RALYL: variants seen among roughly 807,000 people sequenced by gnomAD.
RALYL encodes RALY RNA binding protein like, also known as RNA-binding Raly-like protein.
A neutral mutation model predicts 35.1 loss-of-function variants in RALYL; 29 were observed. The ratio of observed to expected loss-of-function variants is 0.83; its 90% CI spans 0.61 to 1.13. RALYL has a LOEUF of 1.13. Among genes scored for constraint, RALYL ranks in the 50% most tolerant of loss-of-function variants. The probability of loss-of-function intolerance (pLI) is 0.00; values close to 1 mark genes in which losing one functional copy is unlikely to be tolerated. For missense variants in RALYL, 359 were observed against 360.4 expected (o/e 1.00, Z 0.03); for synonymous variants, 120 against 127.6 (o/e 0.94, Z 0.40).
intron 2 of RALYL, among the ~76,000 whole-genome samples, chr8:84,699,277 G>C (rs1271377778): frequency 6.6e-6 from 1 of 152,034 alleles, no homozygotes; most frequent in Non-Finnish European, 1.5e-5. Flanking sequence ...CAAAAGTTGT[G>C]AGCTGCTGAG....
chr8:84,709,337 A>G (rs769355984), intron 2 of RALYL, among the ~76,000 whole-genome samples: 5 of 152,118 alleles, frequency 3.3e-5, no homozygotes, highest in Admixed American at 6.6e-5. Context: ...TTGGGTGCCC[A>G]TGGAGTTACT....
chr8:84,661,593 GT>G (rs555604416), intron 2 of RALYL, among the ~76,000 whole-genome samples: 4,581 of 142,526 alleles, frequency 0.032, 175 homozygotes, highest in African/African-American at 0.086. Flanking sequence ...TTTTGACATA[GT>G]TTTTTTTTTT....
intron 4 of RALYL, among the ~76,000 whole-genome samples, chr8:84,807,647 T>G (rs1229771138): frequency 1.3e-5 from 2 of 152,216 alleles, no homozygotes; most frequent in Non-Finnish European, 2.9e-5. Context: ...GTAGAAGTGT[T>G]CCCTATTCAC....
chr8:84,357,472 G>T (rs1038848368), intron 1 of RALYL, among the ~76,000 whole-genome samples: 5 of 151,860 alleles, frequency 3.3e-5, no homozygotes, highest in African/African-American at 9.7e-5. Flanking sequence ...TTCTGTCTAG[G>T]ATAACACTAA....
intron 1 of RALYL, among the ~76,000 whole-genome samples, chr8:84,232,628 G>A (rs1014141071): frequency 3.3e-5 from 5 of 152,074 alleles, no homozygotes; most frequent in South Asian, 2.1e-4. Context: ...CTGAGGTAAT[G>A]CCTATGACTG....
chr8:84,425,783 C>CTATGTGTG lies in RALYL; in HGVS notation c.-23-103515_-23-103514insATGTGTGT, dbSNP rs372367035. Reference sequence around the variant, plus strand: ...AATTTTTAGAAAGCCAGTTTTTCTTCTGTGTGTGTGTGTGTGTGTGTGTGT... The same window carrying CTATGTGTG: ...AATTTTTAGAAAGCCAGTTTTTCTTCTATGTGTGTGTGTGTGTGTGTGTGTGTGTGTGT... On this transcript the variant is annotated intron_variant, in intron 1 of 8. Coordinates refer to ENST00000521268, the MANE Select transcript of RALYL (RefSeq NM_173848.7). 9.9e-3 allele frequency among the ~76,000 whole-genome samples: 1,429 copies of CTATGTGTG among 144,580 alleles called. 33 individuals carry two copies. The highest frequency in any genetic ancestry group is 0.033 in the African/African-American group (1,285 of 38,926). The allele number at this position is 144,580 out of a possible 152,430, so 94.9% of individuals were successfully genotyped here. A position where few individuals can be genotyped will look rare whatever the true frequency, so the allele number is the denominator to read the frequency against.
chr8:84,713,444 T>C (rs2132507795), intron 2 of RALYL, among the ~76,000 whole-genome samples: 1 of 151,952 alleles, frequency 6.6e-6, no homozygotes, highest in Non-Finnish European at 1.5e-5. Context: ...ATACAAATAA[T>C]CAACATACAT....
chr8:84,726,416 G>T (rs1322997730), intron 2 of RALYL, among the ~76,000 whole-genome samples: 1 of 150,092 alleles, frequency 6.7e-6, no homozygotes, highest in Non-Finnish European at 1.5e-5. Context: ...AGGTATTTTT[G>T]TTACTACCTA....
chr8:84,311,535 T>C (rs1842811801), intron 1 of RALYL, among the ~76,000 whole-genome samples: 1 of 152,140 alleles, frequency 6.6e-6, no homozygotes, highest in African/African-American at 2.4e-5. Context: ...CTTGAAGTAA[T>C]GTGCAAAAGC....
intron 4 of RALYL, among the ~76,000 whole-genome samples, chr8:84,808,818 G>C (rs115400106): frequency 0.01 from 1,578 of 152,216 alleles, 23 homozygotes; most frequent in African/African-American, 0.036. Context: ...GTCACTGTTG[G>C]TGTGTAGCAG....
At position 84,771,382 on chromosome 8, in the gene RALYL, G is replaced by A. The variant is rs183635537; in HGVS notation, c.257-3197G>A. Among the ~76,000 whole-genome samples the A allele has an allele frequency of 4.6e-5, 7 of 152,082 alleles. No homozygotes were observed. In the East Asian group the frequency reaches 5.8e-4, roughly 13 times the overall value. On this transcript the variant is annotated intron_variant, in intron 2 of 8. Transcript: ENST00000521268. ...TACAATGAACAAACTTGTATATACC[G>A]TATGGTACACATGTGTAAAAGGTTT... is the stretch of plus-strand genomic sequence containing the variant.
At chr8:84,298,812 G>T (rs1840251440) in intron 1 of RALYL, among the ~76,000 whole-genome samples, 1 of 151,638 alleles carries the variant, frequency 6.6e-6, no homozygotes, top group Non-Finnish European at 1.5e-5. Context: ...GTGTGTGTGT[G>T]AATGGGACTA....
chr8:84,393,848 A>G (rs772260219), intron 1 of RALYL, among the ~76,000 whole-genome samples: 1 of 152,138 alleles, frequency 6.6e-6, no homozygotes, highest in Non-Finnish European at 1.5e-5. Flanking sequence ...CACAATAATG[A>G]ATATATAGTT....
At chr8:84,213,745 G>T (rs17781380) in intron 1 of RALYL, among the ~76,000 whole-genome samples, 8,706 of 152,154 alleles carry the variant, frequency 0.057, 368 homozygotes, top group Middle Eastern at 0.082. Context: ...TTACAGAGAA[G>T]TATTACAATG....
At chr8:84,773,443 T>C (rs1351756664) in intron 2 of RALYL, among the ~76,000 whole-genome samples, 1 of 152,210 alleles carries the variant, frequency 6.6e-6, no homozygotes, top group East Asian at 1.9e-4. Flanking sequence ...TCCCTTTCTA[T>C]CATCATTTGG....
At chr8:84,372,869 C>T in intron 1 of RALYL, among the ~76,000 whole-genome samples, 1 of 118,250 alleles carries the variant, frequency 8.5e-6, no homozygotes, top group South Asian at 2.4e-4. Context: ...TTTTTCTCCA[C>T]AACCATGCCA....
chr8:84,556,817 G>T (rs1018097094), intron 2 of RALYL, among the ~76,000 whole-genome samples: 6 of 152,052 alleles, frequency 3.9e-5, no homozygotes, highest in Non-Finnish European at 5.9e-5. Context: ...CTTTCAGCCT[G>T]AGTCTCTAAG....
At chr8:84,747,780 A>G (rs533222679) in intron 2 of RALYL, among the ~76,000 whole-genome samples, 109 of 152,082 alleles carry the variant, frequency 7.2e-4, no homozygotes, top group Middle Eastern at 3.4e-3. Context: ...ATACTTAGGA[A>G]AAGAGTTACT....
intron 3 of RALYL, among the ~76,000 whole-genome samples, chr8:84,789,142 A>G (rs776007754): frequency 6.6e-6 from 1 of 152,240 alleles, no homozygotes; most frequent in Non-Finnish European, 1.5e-5. Flanking sequence ...ATGTATTCCT[A>G]ACTCAGAGAA....
Sources: gnomAD v4.1 joint callset for allele counts (sites outside exome capture counted in the v4.1 genomes callset) on GRCh38, gnomAD v4.1.1 for gene constraint, MANE v1.5 for transcripts, NCBI Gene and HGNC (gene_info 2026-07-23, HGNC 2026-07-21) for gene names.